MLKL: variants seen among roughly 807,000 people sequenced by gnomAD.
MLKL encodes mixed lineage kinase domain like pseudokinase, also known as mixed lineage kinase domain-like protein.
In MLKL, 55 loss-of-function variants were observed where a neutral mutation model predicts 56.5. The ratio of observed to expected loss-of-function variants is 0.97; its 90% CI spans 0.78 to 1.22. The LOEUF is 1.22. Among genes scored for constraint, MLKL ranks in the 50% most tolerant of loss-of-function variants. MLKL has a pLI of 0.00. For missense variants in MLKL, 694 were observed against 573.9 expected, an observed-to-expected ratio of 1.21 and a Z score of -2.14; for synonymous variants, 251 against 208.3, an observed-to-expected ratio of 1.20 and a Z score of -1.76.
rs757930351 is a variant in MLKL at position 74,695,613 on chromosome 16, C to T, written c.145G>A (p.Gly49Arg). The T allele has an allele frequency of 1.9e-6, 3 of 1,614,216 alleles. No individual in the cohort carries two copies. The highest frequency in any genetic ancestry group is 2.5e-6 in the Non-Finnish European group (3 of 1,180,038). Residue 49 changes from glycine to arginine, a missense_variant, in exon 2 of 11, where the codon GGA becomes AGA. By Grantham distance (125) the Gly-to-Arg change is moderately radical. Coordinates refer to ENST00000308807, the MANE Select transcript of MLKL (RefSeq NM_152649.4). ...TTCTCAGAGGGCACGCTCCTCTTTC[C>T]TTGGTCCTGGAGCATCTCCAGAGGC... is the stretch of plus-strand genomic sequence containing the variant. ...IKPLEMLQDQ[G>R]KRSVPSEKLT...
At chr16:74,695,213 C>T in intron 2 of MLKL, 85 bp downstream of exon 2, 2 of 1,397,662 alleles carry the variant, frequency 1.4e-6, no homozygotes, top group Non-Finnish European at 2.0e-6. Flanking sequence ...GCTCAAACTT[C>T]ATCATTGCTG....
At chr16:74,682,619 A>C (rs1292210931) in intron 6 of MLKL, 32 bp downstream of exon 6, 11 of 1,611,920 alleles carry the variant, frequency 6.8e-6, no homozygotes, top group Non-Finnish European at 9.3e-6. Flanking sequence ...GACCCATCCA[A>C]CCCTTAGTGG....
intron 2 of MLKL, among the ~76,000 whole-genome samples, chr16:74,693,345 G>A (rs1170119225): frequency 6.6e-6 from 1 of 150,872 alleles, no homozygotes. Context: ...GCACATGCCT[G>A]TAATCCCAAC....
chr16:74,676,073 A>G, intron 7 of MLKL: 1 of 338,250 alleles, frequency 3.0e-6, no homozygotes, highest in Non-Finnish European at 5.0e-6. Flanking sequence ...TGTTGCCAGT[A>G]TGACTATGTT....
In MLKL at chr16:74,674,993, C is replaced by T. The variant is rs1190078953; in HGVS notation, c.1348G>A (p.Ala450Thr). The change falls in exon 10 of 11, where the codon GCC (alanine) becomes ACC (threonine). Residue 450 changes from alanine to threonine, a missense_variant. Physicochemically the swap from Ala to Thr is moderately conservative, Grantham distance 58 (BLOSUM62 0). Transcript: ENST00000308807. The part of the protein sequence containing the change: ...ELREIIDECR[A>T]HDPSVRPSVD... ...GAGGGCCGCACAGAGGGATCATGGG[C>T]CCGGCACTCATCAATGATCTCCCGC... 4 of 1,614,046 alleles carry T rather than the reference C, an allele frequency of 2.5e-6. No individual in the cohort carries two copies. Among genetic ancestry groups the T allele is most frequent in the Non-Finnish European group, 3.4e-6 (4 of 1,180,030 alleles).
At chr16:74,679,541 C>T (rs1322178787) in intron 6 of MLKL, among the ~76,000 whole-genome samples, 1 of 152,106 alleles carries the variant, frequency 6.6e-6, no homozygotes, top group Admixed American at 6.5e-5. Context: ...GGCATGGTGG[C>T]TTGCGCTTAT....
At chr16:74,686,901 A>T (rs1191682223) in intron 4 of MLKL, among the ~76,000 whole-genome samples, 1 of 152,256 alleles carries the variant, frequency 6.6e-6, no homozygotes, top group East Asian at 1.9e-4. Flanking sequence ...AATACTTAGG[A>T]ATAAATTTAC....
intron 7 of MLKL, chr16:74,676,041 G>C (rs1423182810): frequency 2.3e-6 from 1 of 428,980 alleles, no homozygotes; most frequent in Non-Finnish European, 4.0e-6. Context: ...TAAAGCACCA[G>C]TAAGACCTGC....
At chr16:74,678,311 C>T (rs1959730718) in intron 7 of MLKL, 1 of 155,016 alleles carries the variant, frequency 6.5e-6, no homozygotes, top group Non-Finnish European at 1.4e-5. Flanking sequence ...GTTGTAGGGA[C>T]ATAGAAGTGG....
intron 5 of MLKL, among the ~76,000 whole-genome samples, chr16:74,684,431 G>GAAAA (rs66482612): frequency 1.8e-5 from 2 of 112,742 alleles, no homozygotes; most frequent in Non-Finnish European, 3.5e-5. Flanking sequence ...GGGAAAAAAA[G>GAAAA]AAAAAAAAAA....
At position 74,695,517 on chromosome 16, in the gene MLKL, T is replaced by C; in HGVS notation, c.241A>G (p.Asn81Asp). 6.2e-7 allele frequency: 1 copy of C among 1,614,198 alleles called. No individual in the cohort carries two copies. The highest frequency in any genetic ancestry group is 1.1e-5 in the South Asian group (1 of 91,082). ...EANGEIEKFS[N>D]RSNICRFLTA... ...AGAAACCTGCAGATATTGGATCTAT[T>C]GCTGAACTTTTCTATCTCCCCATTA... is the stretch of plus-strand genomic sequence containing the variant. The change falls in exon 2 of 11, where the codon AAT becomes GAT. Residue 81 changes from asparagine (N) to aspartate (D), a missense_variant. Transcript: ENST00000308807.
intron 6 of MLKL, among the ~76,000 whole-genome samples, chr16:74,680,383 G>A (rs1477751858): frequency 1.3e-5 from 2 of 152,144 alleles, no homozygotes; most frequent in Non-Finnish European, 2.9e-5. Context: ...TGTGGGATAA[G>A]GTGGTATGCA....
intron 5 of MLKL, among the ~76,000 whole-genome samples, chr16:74,683,522 G>A (rs981036857): frequency 4.0e-5 from 6 of 150,722 alleles, no homozygotes; most frequent in African/African-American, 4.9e-5. Context: ...CTTGAACCTC[G>A]GAGGTGGAAG....
chr16:74,672,384 C>A lies in MLKL; in HGVS notation c.*120G>T. 1 of 836,670 alleles carries A rather than the reference C, an allele frequency of 1.2e-6. No homozygotes were observed. Among genetic ancestry groups the A allele is most frequent in the South Asian group, 1.6e-5 (1 of 61,798 alleles). 51.8% of individuals were successfully genotyped at this position (836,670 alleles called of 1,614,324 possible). A position where few individuals can be genotyped will look rare whatever the true frequency, so the allele number is the denominator to read the frequency against. The stretch of plus-strand genomic sequence containing the variant: ...TCGTTTTCTATTTGTAACAGAGAAG[C>A]GTGCCCACTCCTTGCACCCATAGAT... On this transcript the variant is annotated 3_prime_UTR_variant, in exon 11 of 11. Transcript: ENST00000308807.
chr16:74,675,675 A>G lies in MLKL; in HGVS notation c.1128T>C (p.Tyr376=). Residue 376 remains tyrosine, a synonymous_variant, in exon 8 of 11, where the codon TAT becomes TAC. Coordinates refer to ENST00000308807, the MANE Select transcript of MLKL (RefSeq NM_152649.4). ...CATCTTCCAGTTCCTGAGGTGAGAGATATGCTGTAGATTTGACTCTGTCTG... is the reference window on the plus strand; with the variant it reads ...CATCTTCCAGTTCCTGAGGTGAGAGGTATGCTGTAGATTTGACTCTGTCTG... ...EKTDRVKSTA[Y]LSPQELEDVF... 1 of 1,614,076 alleles carries G rather than the reference A, an allele frequency of 6.2e-7. No homozygotes were observed. The highest frequency in any genetic ancestry group is 8.5e-7 in the Non-Finnish European group (1 of 1,179,992).
At chr16:74,685,665 A>T (rs933860594) in intron 4 of MLKL, 82 bp from the exon 5 acceptor site, 10 of 1,079,994 alleles carry the variant, frequency 9.3e-6, no homozygotes, top group Non-Finnish European at 1.3e-5. Context: ...CCCTCTGTGT[A>T]TGTGGGGGCG....
chr16:74,682,558 G>T, intron 6 of MLKL, 93 bp downstream of exon 6: 1 of 1,506,910 alleles, frequency 6.6e-7, no homozygotes, highest in South Asian at 1.3e-5. Context: ...GACTGTCTGG[G>T]GCGTCTGGCC....
chr16:74,698,087 C>G (rs1961159695), intron 1 of MLKL, among the ~76,000 whole-genome samples: 1 of 151,894 alleles, frequency 6.6e-6, no homozygotes, highest in South Asian at 2.1e-4. Flanking sequence ...TGCCTGTAGT[C>G]CCAGCTACTC....
At chr16:74,687,337 T>C (rs1469527712) in intron 4 of MLKL, among the ~76,000 whole-genome samples, 1 of 152,146 alleles carries the variant, frequency 6.6e-6, no homozygotes, top group Non-Finnish European at 1.5e-5. Context: ...AGGAAGACTT[T>C]ATACCATTAA....
Sources: allele counts gnomAD v4.1 joint callset (sites outside exome capture counted in the v4.1 genomes callset), GRCh38; gene constraint gnomAD v4.1.1; transcripts MANE v1.5; gene names NCBI Gene and HGNC (gene_info 2026-07-23, HGNC 2026-07-21).